The following RALGAPA1 variants were observed in gnomAD, a reference collection of about 807,000 sequenced individuals.
RALGAPA1 encodes ral GTPase-activating protein subunit alpha-1.
A neutral mutation model predicts 269.6 loss-of-function variants in RALGAPA1; 52 were observed. The ratio of observed to expected loss-of-function variants is 0.19; its 90% CI spans 0.15 to 0.24. The LOEUF (loss-of-function observed/expected upper bound fraction) is 0.24. RALGAPA1 is among the 10% of genes least tolerant of loss of function. The pLI, the probability that RALGAPA1 is intolerant of heterozygous loss-of-function variation, is 1.00. For missense variants in RALGAPA1, 1,917 were observed against 3,013.9 expected (o/e 0.64, Z 8.52); for synonymous variants, 817 against 1,008.3 (o/e 0.81, Z 3.60).
At chr14:35,674,066 A>G in intron 24 of RALGAPA1, 114 bp downstream of exon 24, 1 of 707,912 alleles carries the variant, frequency 1.4e-6, no homozygotes, top group Non-Finnish European at 2.4e-6. Flanking sequence ...TCCTAAGGAT[A>G]CTGGTTAAAA....
At chr14:35,619,725 A>T (rs1197924728) in intron 35 of RALGAPA1, among the ~76,000 whole-genome samples, 2 of 152,140 alleles carry the variant, frequency 1.3e-5, no homozygotes, top group Non-Finnish European at 2.9e-5. Context: ...AACACCTCTA[A>T]GCAAATAAAC....
intron 16 of RALGAPA1, among the ~76,000 whole-genome samples, chr14:35,714,081 C>G (rs920848588): frequency 6.9e-6 from 1 of 144,798 alleles, no homozygotes; most frequent in Admixed American, 7.0e-5. Context: ...GGTGACAGAG[C>G]AAGACTCCGT....
At chr14:35,648,390 T>C (rs2062594621) in intron 31 of RALGAPA1, among the ~76,000 whole-genome samples, 1 of 148,342 alleles carries the variant, frequency 6.7e-6, no homozygotes, top group Admixed American at 6.7e-5. Flanking sequence ...CACTTGAACC[T>C]AGGAGGCGGA....
chr14:35,595,633 CT>C lies in RALGAPA1; in HGVS notation c.7209del (p.Lys2403AsnfsTer2). 1 of 1,610,228 alleles carries C rather than the reference CT, an allele frequency of 6.2e-7. No individual in the cohort carries two copies. ...ATTTGAAAGCACTTCTCAGCACTTA[CT>C]TTTTTGGTCAAAGAATCATCAGAAT... ...PSDSDDSLTK[K>X]LRHLGNDEVH... is the part of the protein sequence containing the mutation. On this transcript the variant is annotated frameshift_variant and splice_region_variant, in exon 37 of 42. Coordinates refer to ENST00000680220, the MANE Select transcript of RALGAPA1 (RefSeq NM_001346249.2). LOFTEE classifies it high-confidence loss of function.
intron 39 of RALGAPA1, among the ~76,000 whole-genome samples, chr14:35,564,960 GTC>G (rs1431829686): frequency 6.6e-6 from 1 of 151,824 alleles, no homozygotes; most frequent in Non-Finnish European, 1.5e-5. Flanking sequence ...TTTTCATTTA[GTC>G]TTCTATTATA....
intron 41 of RALGAPA1, among the ~76,000 whole-genome samples, chr14:35,545,003 C>T (rs927358068): frequency 1.5e-4 from 23 of 151,982 alleles, no homozygotes; most frequent in African/African-American, 3.4e-4. Flanking sequence ...GCCAAGATTG[C>T]GCCACTGCAC....
intron 28 of RALGAPA1, among the ~76,000 whole-genome samples, chr14:35,657,740 C>G (rs2063290803): frequency 6.7e-6 from 1 of 149,868 alleles, no homozygotes. Context: ...GTCTTAAGCA[C>G]TAAGGTCAAA....
At chr14:35,575,917 C>A (rs929797243) in intron 37 of RALGAPA1, among the ~76,000 whole-genome samples, 2 of 152,140 alleles carry the variant, frequency 1.3e-5, no homozygotes, top group Non-Finnish European at 2.9e-5. Context: ...TAAAGAGCTA[C>A]AATCATTAGA....
chr14:35,629,894 C>T (rs1400113783), intron 33 of RALGAPA1, among the ~76,000 whole-genome samples: 1 of 151,806 alleles, frequency 6.6e-6, no homozygotes, highest in African/African-American at 2.4e-5. Flanking sequence ...TGTGTAACCA[C>T]CAACATAATC....
chr14:35,637,810 A>C (rs1446458574), intron 31 of RALGAPA1, among the ~76,000 whole-genome samples: 1 of 152,208 alleles, frequency 6.6e-6, no homozygotes, highest in Non-Finnish European at 1.5e-5. Context: ...AAGGATTATA[A>C]AAGCAGCAAG....
chr14:35,750,070 T>C (rs2072532925), intron 9 of RALGAPA1, among the ~76,000 whole-genome samples: 1 of 152,138 alleles, frequency 6.6e-6, no homozygotes, highest in Non-Finnish European at 1.5e-5. Flanking sequence ...AGACTTGGCG[T>C]CTTTGTTGAA....
chr14:35,538,821 G>A lies in RALGAPA1; in HGVS notation c.*893C>T, dbSNP rs2138934029. 6.9e-6 allele frequency: 1 copy of A among 145,712 alleles called. No homozygotes were observed. The highest frequency in any genetic ancestry group is 2.6e-5 in the African/African-American group (1 of 39,148). The allele number at this position is 145,712 out of a possible 1,614,324, so 9.0% of individuals were successfully genotyped here. The stretch of plus-strand genomic sequence containing the variant: ...AGCCAATAATAAAAGGCCACAATCT[G>A]AAAACAAATGGCATTTAACAGTGAT... On this transcript the variant is annotated 3_prime_UTR_variant, in exon 42 of 42. Coordinates refer to ENST00000680220, the MANE Select transcript of RALGAPA1 (RefSeq NM_001346249.2).
At chr14:35,791,669 G>A (rs2076177726) in intron 1 of RALGAPA1, among the ~76,000 whole-genome samples, 1 of 151,692 alleles carries the variant, frequency 6.6e-6, no homozygotes, top group East Asian at 1.9e-4. Flanking sequence ...CACTTTGGGA[G>A]GCTGAGGTGG....
intron 31 of RALGAPA1, among the ~76,000 whole-genome samples, chr14:35,649,831 CAT>C (rs2062694510): frequency 6.6e-6 from 1 of 152,130 alleles, no homozygotes; most frequent in African/African-American, 2.4e-5. Flanking sequence ...CAGGGAGTAT[CAT>C]GTTTACCTCT....
chr14:35,576,062 C>A (rs963052285), intron 37 of RALGAPA1, among the ~76,000 whole-genome samples: 1 of 152,086 alleles, frequency 6.6e-6, no homozygotes, highest in African/African-American at 2.4e-5. Context: ...CTTACCTTTC[C>A]TTTTCCAGGT....
At chr14:35,806,636 A>C (rs1028954668) in intron 1 of RALGAPA1, among the ~76,000 whole-genome samples, 1 of 152,198 alleles carries the variant, frequency 6.6e-6, no homozygotes, top group Non-Finnish European at 1.5e-5. Context: ...ACCCTGAGTG[A>C]ATGGCAGTTC....
intron 16 of RALGAPA1, among the ~76,000 whole-genome samples, chr14:35,720,364 T>C (rs995905084): frequency 2.0e-5 from 3 of 152,222 alleles, no homozygotes; most frequent in African/African-American, 4.8e-5. Context: ...ATCTCTTATT[T>C]TCTTTCTAGT....
intron 29 of RALGAPA1, among the ~76,000 whole-genome samples, chr14:35,655,506 A>C (rs541866128): frequency 4.4e-4 from 67 of 152,166 alleles, no homozygotes; most frequent in Middle Eastern, 3.4e-3. Context: ...TTAAAAAAAA[A>C]CCAGAAAAAC....
At chr14:35,641,064 C>T (rs755934355) in intron 31 of RALGAPA1, among the ~76,000 whole-genome samples, 2 of 151,868 alleles carry the variant, frequency 1.3e-5, no homozygotes, top group African/African-American at 2.4e-5. Flanking sequence ...CCCCTCCCCC[C>T]ACAAAAAAAC....
Sources: allele counts gnomAD v4.1 joint callset (sites outside exome capture counted in the v4.1 genomes callset), GRCh38; gene constraint gnomAD v4.1.1; transcripts MANE v1.5; gene names NCBI Gene and HGNC (gene_info 2026-07-23, HGNC 2026-07-21).